The following ARL5B variants were observed in gnomAD, a reference collection of about 807,000 sequenced individuals.
The protein encoded by ARL5B is ARF like GTPase 5B.
Under a neutral mutation model 26.9 loss-of-function variants are expected in ARL5B, and 10 were observed. The ratio of observed to expected loss-of-function variants is 0.37; its 90% CI spans 0.23 to 0.63. The LOEUF (loss-of-function observed/expected upper bound fraction) is 0.63, where lower values mean the gene tolerates loss of function less well. Among genes scored for constraint, ARL5B ranks in the 30% least tolerant of loss-of-function variants. ARL5B has a pLI of 0.62. For missense variants in ARL5B, 167 were observed against 213.9 expected (o/e 0.78, Z 1.37); for synonymous variants, 87 against 70.4 (o/e 1.24, Z -1.18).
chr10:18,668,114 A>T (rs1021270815), intron 2 of ARL5B, among the ~76,000 whole-genome samples: 2 of 152,160 alleles, frequency 1.3e-5, no homozygotes, highest in Non-Finnish European at 2.9e-5. Flanking sequence ...CTCAATTTAG[A>T]CAGTCTTCAA....
At chr10:18,659,978 A>G (rs2059821604) in intron 1 of ARL5B, 1 of 975,668 alleles carries the variant, frequency 1.0e-6, no homozygotes, top group Non-Finnish European at 1.2e-6. Context: ...CAGGAGGCGT[A>G]TGGAGGGCCT....
Position 18,659,437 on chromosome 10 carries a change from C to A in ARL5B, c.-201C>A. 2 of 642,664 alleles carry A rather than the reference C, an allele frequency of 3.1e-6. No individual in the cohort carries two copies. Among genetic ancestry groups the A allele is most frequent in the Non-Finnish European group, 5.0e-6 (2 of 400,236 alleles). The allele number at this position is 642,664 out of a possible 1,614,324, so 39.8% of individuals were successfully genotyped here. On this transcript the variant is annotated 5_prime_UTR_variant, in exon 1 of 6. Transcript: ENST00000377275. Reference sequence around the variant, plus strand: ...ACGGGTCGGCGTTGGGCTCAGTGGGCTCGAAACAAAGGGCTGTCCGGTGGG... The same window carrying A: ...ACGGGTCGGCGTTGGGCTCAGTGGGATCGAAACAAAGGGCTGTCCGGTGGG...
At position 18,675,681 on chromosome 10, in the gene ARL5B, C is replaced by G. The variant is rs2059907602; in HGVS notation, c.*465C>G. On this transcript the variant is annotated 3_prime_UTR_variant, in exon 6 of 6. Transcript: ENST00000377275. ...TAAATATATTTGTTCCCTCTATAAA[C>G]CATTCATCTTTCGGACAGAACTTAC... 6.4e-6 allele frequency: 1 copy of G among 156,920 alleles called. No homozygotes were observed. Among genetic ancestry groups the G allele is most frequent in the Non-Finnish European group, 1.4e-5 (1 of 70,766 alleles). The allele number at this position is 156,920 out of a possible 1,614,324, so 9.7% of individuals were successfully genotyped here.
At chr10:18,660,747 C>T (rs1223942270) in intron 1 of ARL5B, among the ~76,000 whole-genome samples, 1 of 152,134 alleles carries the variant, frequency 6.6e-6, no homozygotes, top group Non-Finnish European at 1.5e-5. Context: ...TATGTATATG[C>T]CTGTATCCAG....
chr10:18,663,762 A>G (rs1020253812), intron 1 of ARL5B, among the ~76,000 whole-genome samples: 2 of 150,336 alleles, frequency 1.3e-5, no homozygotes, highest in Non-Finnish European at 3.0e-5. Flanking sequence ...GTTAGCTAGG[A>G]TGGTCTCGAT....
At position 18,680,332 on chromosome 10, in the gene ARL5B, A is replaced by C. The variant is rs768510381; in HGVS notation, c.*5116A>C. ...TTTACCAGCTGGGCCAACATGGTAGATATATGAGATTCACATATGGTTTCA... is the reference window on the plus strand; with the variant it reads ...TTTACCAGCTGGGCCAACATGGTAGCTATATGAGATTCACATATGGTTTCA... On this transcript the variant is annotated 3_prime_UTR_variant, in exon 6 of 6. Transcript: ENST00000377275. The C allele has an allele frequency of 1.3e-5, 2 of 152,058 alleles. No individual in the cohort carries two copies. The highest frequency in any genetic ancestry group is 2.9e-5 in the Non-Finnish European group (2 of 67,926). 9.4% of individuals were successfully genotyped at this position (152,058 alleles called of 1,614,324 possible). A position where few individuals can be genotyped will look rare whatever the true frequency, so the allele number is the denominator to read the frequency against.
chr10:18,666,183 A>G (rs1222561521), intron 1 of ARL5B, among the ~76,000 whole-genome samples: 2 of 152,242 alleles, frequency 1.3e-5, no homozygotes, highest in East Asian at 3.8e-4. Context: ...ACATTTTGAT[A>G]AAAAGCTAAC....
chr10:18,661,719 A>G (rs2059837721), intron 1 of ARL5B, among the ~76,000 whole-genome samples: 1 of 152,264 alleles, frequency 6.6e-6, no homozygotes, highest in Non-Finnish European at 1.5e-5. Flanking sequence ...TGGCTGCAGC[A>G]CAAGGTATAC....
chr10:18,659,506 G>A lies in ARL5B; in HGVS notation c.-132G>A. ...CTGAGTGGTCGGGTCGAGGCTTCTC[G>A]GCCTAGCAGTGCCCTCGCTGCGCGA... On this transcript the variant is annotated 5_prime_UTR_variant, in exon 1 of 6. Transcript: ENST00000377275. The A allele has an allele frequency of 1.7e-6, 2 of 1,188,704 alleles. No individual in the cohort carries two copies. Among genetic ancestry groups the A allele is most frequent in the Non-Finnish European group, 2.3e-6 (2 of 884,164 alleles). The allele number at this position is 1,188,704 out of a possible 1,614,324, so 73.6% of individuals were successfully genotyped here. A position where few individuals can be genotyped will look rare whatever the true frequency, so the allele number is the denominator to read the frequency against.
In ARL5B at chr10:18,678,911, A is replaced by G. The variant is rs546707772; in HGVS notation, c.*3695A>G. ...ATGGCTTTCCTTTTGTTTTTCCCAT[A>G]CTGAGGAACTTAAACTACAGCTCTA... On this transcript the variant is annotated 3_prime_UTR_variant, in exon 6 of 6. Transcript: ENST00000377275. 2 of 151,806 alleles carry G rather than the reference A, an allele frequency of 1.3e-5. No homozygotes were observed. The highest frequency in any genetic ancestry group is 3.0e-5 in the Non-Finnish European group (2 of 67,776). The allele number at this position is 151,806 out of a possible 1,614,324, so 9.4% of individuals were successfully genotyped here.
rs916095068 is a variant in ARL5B, at chr10:18,680,676, A to C, written c.*5460A>C. 6.6e-6 allele frequency: 1 copy of C among 152,152 alleles called. No homozygotes were observed. The highest frequency in any genetic ancestry group is 2.4e-5 in the African/African-American group (1 of 41,464). The allele number at this position is 152,152 out of a possible 1,614,324, so 9.4% of individuals were successfully genotyped here. ...AAACTTTTATTTATGACTTAAAAAA[A>C]GTTTAGCTGCTATTTCAGTGAAAGT... On this transcript the variant is annotated 3_prime_UTR_variant, in exon 6 of 6. Coordinates refer to ENST00000377275, the MANE Select transcript of ARL5B (RefSeq NM_178815.5).
intron 1 of ARL5B, among the ~76,000 whole-genome samples, chr10:18,665,287 C>G (rs1262720828): frequency 6.6e-6 from 1 of 152,180 alleles, no homozygotes; most frequent in Non-Finnish European, 1.5e-5. Flanking sequence ...CTGCAGTGAT[C>G]ATGCCCCTGC....
chr10:18,676,655 TAAA>T lies in ARL5B; in HGVS notation c.*1443_*1445del, dbSNP rs1337408276. The T allele has an allele frequency of 1.3e-5, 2 of 152,056 alleles. No homozygotes were observed. The highest frequency in any genetic ancestry group is 2.4e-5 in the African/African-American group (1 of 41,454). 9.4% of individuals were successfully genotyped at this position (152,056 alleles called of 1,614,324 possible). A position where few individuals can be genotyped will look rare whatever the true frequency, so the allele number is the denominator to read the frequency against. On this transcript the variant is annotated 3_prime_UTR_variant, in exon 6 of 6. Coordinates refer to ENST00000377275, the MANE Select transcript of ARL5B (RefSeq NM_178815.5). ...TTTTTGCAGTACTTTTTAATTTTGA[TAAA>T]AAAGATACAAAGTTCATAATATCAA...
At chr10:18,661,369 GT>G (rs1394869309) in intron 1 of ARL5B, among the ~76,000 whole-genome samples, 1 of 152,116 alleles carries the variant, frequency 6.6e-6, no homozygotes, top group Non-Finnish European at 1.5e-5. Flanking sequence ...AATAAAAGAT[GT>G]AAGGGGAAAA....
At position 18,675,934 on chromosome 10, in the gene ARL5B, C is replaced by T. The variant is rs2131649069; in HGVS notation, c.*718C>T. 1 of 152,122 alleles carries T rather than the reference C, an allele frequency of 6.6e-6. No homozygotes were observed. Among genetic ancestry groups the T allele is most frequent in the East Asian group, 1.9e-4 (1 of 5,180 alleles). 9.4% of individuals were successfully genotyped at this position (152,122 alleles called of 1,614,324 possible). A position where few individuals can be genotyped will look rare whatever the true frequency, so the allele number is the denominator to read the frequency against. ...CCAAGGTAAAATATTTATTTGAAAGCCCAACTTTGATGTTAAATATTCTTG... is the reference window on the plus strand; with the variant it reads ...CCAAGGTAAAATATTTATTTGAAAGTCCAACTTTGATGTTAAATATTCTTG... On this transcript the variant is annotated 3_prime_UTR_variant, in exon 6 of 6. Transcript: ENST00000377275.
At position 18,675,183 on chromosome 10, in the gene ARL5B, A is replaced by G; in HGVS notation, c.507A>G (p.Leu169=). 1 of 1,613,554 alleles carries G rather than the reference A, an allele frequency of 6.2e-7. No homozygotes were observed. The highest frequency in any genetic ancestry group is 8.5e-7 in the Non-Finnish European group (1 of 1,179,490). Residue 169 remains leucine, a synonymous_variant, in exon 6 of 6, where the codon CTA becomes CTG. Transcript: ENST00000377275. The part of the protein sequence containing the change: ...ALTGEGLCQG[L]EWMTSRIGVR Reference sequence around the variant, plus strand: ...TTTTGTTTAGGTTATGCCAAGGTCTAGAGTGGATGACCTCCCGGATTGGTG... The same window carrying G: ...TTTTGTTTAGGTTATGCCAAGGTCTGGAGTGGATGACCTCCCGGATTGGTG...
At chr10:18,661,549 C>G (rs988078059) in intron 1 of ARL5B, among the ~76,000 whole-genome samples, 5 of 152,082 alleles carry the variant, frequency 3.3e-5, no homozygotes, top group African/African-American at 9.7e-5. Flanking sequence ...ATTCATACAG[C>G]CATAGGCCAG....
chr10:18,677,365 TA>T lies in ARL5B; in HGVS notation c.*2153del, dbSNP rs1255628892. On this transcript the variant is annotated 3_prime_UTR_variant, in exon 6 of 6. Transcript: ENST00000377275. ...AGACTCAAATTTGCTATTTAATTTTTAAAATACAATTTATTTTGTAAATCCT... is the reference window on the plus strand; with the variant it reads ...AGACTCAAATTTGCTATTTAATTTTTAAATACAATTTATTTTGTAAATCCT... The T allele has an allele frequency of 6.6e-6, 1 of 152,336 alleles. No individual in the cohort carries two copies. The highest frequency in any genetic ancestry group is 1.5e-5 in the Non-Finnish European group (1 of 67,820). The allele number at this position is 152,336 out of a possible 1,614,324, so 9.4% of individuals were successfully genotyped here.
Position 18,677,482 on chromosome 10 carries a change from T to C in ARL5B, c.*2266T>C, listed in dbSNP as rs2059915294. 2 of 152,260 alleles carry C rather than the reference T, an allele frequency of 1.3e-5. No individual in the cohort carries two copies. Among genetic ancestry groups the C allele is most frequent in the African/African-American group, 2.4e-5 (1 of 41,422 alleles). 9.4% of individuals were successfully genotyped at this position (152,260 alleles called of 1,614,324 possible). A position where few individuals can be genotyped will look rare whatever the true frequency, so the allele number is the denominator to read the frequency against. ...TTGGCATCAGTGTAGACGGTGCTGA[T>C]TGGGAAAAGTTCATGATTAGGAAAT... On this transcript the variant is annotated 3_prime_UTR_variant, in exon 6 of 6. Coordinates refer to ENST00000377275, the MANE Select transcript of ARL5B (RefSeq NM_178815.5).
Sources: allele counts gnomAD v4.1 joint callset (sites outside exome capture counted in the v4.1 genomes callset), GRCh38; gene constraint gnomAD v4.1.1; transcripts MANE v1.5; gene names NCBI Gene and HGNC (gene_info 2026-07-23, HGNC 2026-07-21).